Variants in ZFAND6 observed in about 807,000 individuals in gnomAD.
ZFAND6 encodes zinc finger AN1-type containing 6, also known as AN1-type zinc finger protein 6.
A neutral mutation model predicts 24.5 loss-of-function variants in ZFAND6; 12 were observed. The observed-to-expected ratio is 0.49, with a 90% CI of 0.31 to 0.79. ZFAND6 has a LOEUF of 0.79. Among genes scored for constraint, ZFAND6 ranks in the 30% least tolerant of loss-of-function variants. ZFAND6 has a pLI of 0.04. For missense variants in ZFAND6, 207 were observed against 245.9 expected (o/e 0.84, Z 1.06); for synonymous variants, 92 against 81.5 (o/e 1.13, Z -0.69).
intron 1 of ZFAND6, among the ~76,000 whole-genome samples, chr15:80,068,139 T>TTTG (rs1555426709): frequency 1.8e-4 from 25 of 136,956 alleles, no homozygotes; most frequent in Non-Finnish European, 3.0e-4. Flanking sequence ...TTTTTTTTTT[T>TTTG]TTTGTTTGTT....
chr15:80,136,096 A>T, intron 6 of ZFAND6, among the ~76,000 whole-genome samples: 1 of 151,838 alleles, frequency 6.6e-6, no homozygotes, highest in African/African-American at 2.4e-5. Context: ...ACTTCATACC[A>T]GCCTGAGTGA....
chr15:80,070,734 A>G (rs367888685), intron 1 of ZFAND6, among the ~76,000 whole-genome samples: 6 of 151,968 alleles, frequency 3.9e-5, no homozygotes, highest in African/African-American at 1.4e-4. Flanking sequence ...GCAAAGGTTT[A>G]TTTGGTTTCC....
In ZFAND6 at chr15:80,120,340, G is replaced by A. The variant is rs1294565014; in HGVS notation, c.-5G>A. 3.9e-6 allele frequency: 6 copies of A among 1,555,710 alleles called. No individual in the cohort carries two copies. Among genetic ancestry groups the A allele is most frequent in the Admixed American group, 3.7e-5 (2 of 53,818 alleles). On this transcript the variant is annotated 5_prime_UTR_variant, in exon 3 of 7. Transcript: ENST00000261749. ...ATGTAATTTTCAGGTGTGCAACTGA[G>A]GAACATGGCTCAAGAAACTAATCAC...
chr15:80,084,707 A>G (rs1190240455), intron 1 of ZFAND6, among the ~76,000 whole-genome samples: 1 of 152,232 alleles, frequency 6.6e-6, no homozygotes, highest in Non-Finnish European at 1.5e-5. Context: ...TTTGAGATTT[A>G]GGATTTTCTC....
chr15:80,129,819 A>G (rs2040517259), intron 5 of ZFAND6: 1 of 152,262 alleles, frequency 6.6e-6, no homozygotes, highest in Non-Finnish European at 1.5e-5. Flanking sequence ...AAGAAAAACA[A>G]GTTAGAGTTA....
intron 1 of ZFAND6, among the ~76,000 whole-genome samples, chr15:80,092,241 A>G (rs966996755): frequency 6.6e-6 from 1 of 151,140 alleles, no homozygotes; most frequent in African/African-American, 2.4e-5. Flanking sequence ...TAATCCCAGC[A>G]CTTCAGGGAT....
intron 2 of ZFAND6, among the ~76,000 whole-genome samples, chr15:80,116,137 A>AT (rs1230698528): frequency 6.7e-6 from 1 of 149,082 alleles, no homozygotes; most frequent in African/African-American, 2.5e-5. Flanking sequence ...CCTCCAGAAG[A>AT]TTTTAACTCC....
intron 1 of ZFAND6, among the ~76,000 whole-genome samples, chr15:80,070,938 G>C (rs1277150343): frequency 6.6e-6 from 1 of 152,076 alleles, no homozygotes; most frequent in Non-Finnish European, 1.5e-5. Context: ...TTTTGCAAGA[G>C]TGTCCACACA....
chr15:80,077,712 T>TTG (rs1215964989), intron 1 of ZFAND6, among the ~76,000 whole-genome samples: 1 of 147,634 alleles, frequency 6.8e-6, no homozygotes, highest in East Asian at 1.9e-4. Context: ...TTTTTTTTTT[T>TTG]TTTTGGAGAC....
intron 1 of ZFAND6, chr15:80,060,033 C>A (rs1054404370): frequency 6.6e-6 from 1 of 150,550 alleles, no homozygotes; most frequent in Admixed American, 6.6e-5. Context: ...GGCCGGAGAT[C>A]GGCGGGTTCA....
intron 1 of ZFAND6, among the ~76,000 whole-genome samples, chr15:80,082,267 A>T (rs1008875212): frequency 6.6e-6 from 1 of 152,190 alleles, no homozygotes; most frequent in Non-Finnish European, 1.5e-5. Context: ...ATTGGACACT[A>T]TCAGACACAT....
chr15:80,137,677 A>T lies in ZFAND6; in HGVS notation c.*49A>T. 2 of 1,514,808 alleles carry T rather than the reference A, an allele frequency of 1.3e-6. No individual in the cohort carries two copies. Among genetic ancestry groups the T allele is most frequent in the Non-Finnish European group, 1.8e-6 (2 of 1,138,014 alleles). The allele number at this position is 1,514,808 out of a possible 1,614,324, so 93.8% of individuals were successfully genotyped here. On this transcript the variant is annotated 3_prime_UTR_variant, in exon 7 of 7. Coordinates refer to ENST00000261749, the MANE Select transcript of ZFAND6 (RefSeq NM_019006.4). The stretch of plus-strand genomic sequence containing the variant: ...TTGAGCATCTGCAAACTAAAAATTG[A>T]CTTGAGGTTTTTTTTTTCCTAGTCA...
At chr15:80,072,388 T>C (rs2141821799) in intron 1 of ZFAND6, among the ~76,000 whole-genome samples, 2 of 152,228 alleles carry the variant, frequency 1.3e-5, no homozygotes, top group South Asian at 4.1e-4. Flanking sequence ...TATGTACTGT[T>C]TCTTTAAGAA....
chr15:80,118,761 C>G (rs1291297462), intron 2 of ZFAND6, among the ~76,000 whole-genome samples: 1 of 146,216 alleles, frequency 6.8e-6, no homozygotes, highest in Non-Finnish European at 1.5e-5. Context: ...AGTTTTAGGA[C>G]TTTTTTTTTT....
chr15:80,137,454 A>G (rs372977088), intron 6 of ZFAND6, 26 bp from the exon 7 acceptor site: 1 of 1,586,806 alleles, frequency 6.3e-7, no homozygotes, highest in African/African-American at 1.4e-5. Context: ...CCTTCAACTC[A>G]TGTATGTGTA....
chr15:80,087,986 C>A (rs1248905506), intron 1 of ZFAND6, among the ~76,000 whole-genome samples: 2 of 152,144 alleles, frequency 1.3e-5, no homozygotes, highest in East Asian at 3.8e-4. Flanking sequence ...CTACATACTT[C>A]AGTATATATT....
intron 1 of ZFAND6, among the ~76,000 whole-genome samples, chr15:80,083,790 C>CT (rs1191410699): frequency 6.6e-6 from 1 of 152,096 alleles, no homozygotes; most frequent in African/African-American, 2.4e-5. Context: ...ACTCAGGAGG[C>CT]TGAGGAGGTT....
chr15:80,095,318 T>G (rs185082284), intron 1 of ZFAND6, among the ~76,000 whole-genome samples: 2 of 152,358 alleles, frequency 1.3e-5, no homozygotes, highest in Non-Finnish European at 2.9e-5. Flanking sequence ...GTTACACTTG[T>G]GTGCTTTTCA....
At position 80,091,256 on chromosome 15, in the gene ZFAND6, AAGG is replaced by A. The variant is rs1265714806; in HGVS notation, c.-180-7152_-180-7150del. On this transcript the variant is annotated intron_variant, in intron 1 of 6. Coordinates refer to ENST00000261749, the MANE Select transcript of ZFAND6 (RefSeq NM_019006.4). ...TTTATATCAGAATGGGGTGAGAAGG[AAGG>A]AGGAGGATGTACGTGAAAATCTAGA... Among the ~76,000 whole-genome samples the A allele has an allele frequency of 9.2e-5, 14 of 151,908 alleles. No individual in the cohort carries two copies. The South Asian group carries it at 2.7e-3, about 29-fold the overall frequency.
Sources: gnomAD v4.1 joint callset for allele counts (sites outside exome capture counted in the v4.1 genomes callset) on GRCh38, gnomAD v4.1.1 for gene constraint, MANE v1.5 for transcripts, NCBI Gene and HGNC (gene_info 2026-07-23, HGNC 2026-07-21) for gene names.